Variants in PPP1R8 observed in about 807,000 individuals in gnomAD.
PPP1R8 encodes the protein nuclear inhibitor of protein phosphatase 1.
A neutral mutation model predicts 31.3 loss-of-function variants in PPP1R8; 4 were observed. The ratio of observed to expected loss-of-function variants is 0.13; its 90% CI spans 0.06 to 0.29. PPP1R8 has a LOEUF of 0.29. PPP1R8 is among the 10% of genes least tolerant of loss of function. The pLI, the probability that PPP1R8 is intolerant of heterozygous loss-of-function variation, is 1.00. For missense variants in PPP1R8, 254 were observed against 440.1 expected, an observed-to-expected ratio of 0.58 and a Z score of 3.78; for synonymous variants, 170 against 169.7, an observed-to-expected ratio of 1.00 and a Z score of -0.01.
chr1:27,848,663 T>C (rs1357321003), intron 6 of PPP1R8, among the ~76,000 whole-genome samples: 2 of 152,246 alleles, frequency 1.3e-5, no homozygotes, highest in Non-Finnish European at 2.9e-5. Flanking sequence ...GAGTTCCTGC[T>C]TAGACTTTGT....
chr1:27,832,678 A>C, intron 1 of PPP1R8, 78 bp from the exon 2 acceptor site: 1 of 1,218,284 alleles, frequency 8.2e-7, no homozygotes, highest in Non-Finnish European at 1.2e-6. Flanking sequence ...GAGAGCTGCA[A>C]TGTTGAATGG....
At chr1:27,842,705 A>G (rs1196620794) in intron 4 of PPP1R8, among the ~76,000 whole-genome samples, 1 of 152,224 alleles carries the variant, frequency 6.6e-6, no homozygotes, top group Non-Finnish European at 1.5e-5. Context: ...TAAGTGCACT[A>G]GCAGTGTCCT....
intron 6 of PPP1R8, among the ~76,000 whole-genome samples, chr1:27,848,891 C>A (rs2089311565): frequency 6.6e-6 from 1 of 152,112 alleles, no homozygotes; most frequent in Non-Finnish European, 1.5e-5. Flanking sequence ...ATAATAAAAT[C>A]TACACATTTA....
At position 27,850,539 on chromosome 1, in the gene PPP1R8, G is replaced by A. The variant is rs1180090260; in HGVS notation, c.*93G>A. ...AACTAGGGAGAAAAACTTTCCATGT[G>A]TGCGGTATCGTCTTTCAGAATGTCT... On this transcript the variant is annotated 3_prime_UTR_variant, in exon 7 of 7. Transcript: ENST00000311772. The A allele has an allele frequency of 8.9e-7, 1 of 1,120,426 alleles. No homozygotes were observed. Among genetic ancestry groups the A allele is most frequent in the Non-Finnish European group, 1.3e-6 (1 of 795,502 alleles). 69.4% of individuals were successfully genotyped at this position (1,120,426 alleles called of 1,614,324 possible). A position where few individuals can be genotyped will look rare whatever the true frequency, so the allele number is the denominator to read the frequency against.
chr1:27,831,391 CAG>C (rs1438237745), intron 1 of PPP1R8: 1 of 982,854 alleles, frequency 1.0e-6, no homozygotes, highest in African/African-American at 1.7e-5. Context: ...TCCCTGCCCT[CAG>C]GGAGCTCCCA....
At chr1:27,847,206 C>A in intron 6 of PPP1R8, 114 bp downstream of exon 6, 2 of 1,034,950 alleles carry the variant, frequency 1.9e-6, no homozygotes, top group Non-Finnish European at 3.0e-6. Flanking sequence ...GCAGGCAGAT[C>A]AAGAGGTCAA....
chr1:27,848,042 T>C (rs527462513), intron 6 of PPP1R8, among the ~76,000 whole-genome samples: 3 of 152,338 alleles, frequency 2.0e-5, no homozygotes, highest in African/African-American at 7.2e-5. Flanking sequence ...CAGTTTGCCA[T>C]GCCTTTATTT....
At chr1:27,831,340 T>C in intron 1 of PPP1R8, 2 of 991,182 alleles carry the variant, frequency 2.0e-6, no homozygotes, top group Non-Finnish European at 2.4e-6. Flanking sequence ...GTGCGGCACT[T>C]GTCTGTCTGC....
intron 5 of PPP1R8, among the ~76,000 whole-genome samples, chr1:27,844,705 T>G (rs1217612783): frequency 1.8e-5 from 2 of 110,960 alleles, no homozygotes; most frequent in Non-Finnish European, 3.7e-5. Context: ...ACAAATTTCT[T>G]TTTTTTTTTT....
chr1:27,846,962 G>A, intron 5 of PPP1R8, 66 bp from the exon 6 acceptor site: 1 of 1,309,284 alleles, frequency 7.6e-7, no homozygotes. Context: ...TGTTTGCAGT[G>A]ACTCCTGTGC....
chr1:27,837,929 A>G lies in PPP1R8; in HGVS notation c.118-770A>G, dbSNP rs1299182222. Among the ~76,000 whole-genome samples, 4 of 149,558 alleles carry G rather than the reference A, an allele frequency of 2.7e-5. No homozygotes were observed. The East Asian group carries it at 8.0e-4, about 30-fold the overall frequency. On this transcript the variant is annotated intron_variant, in intron 2 of 6. Coordinates refer to ENST00000311772, the MANE Select transcript of PPP1R8 (RefSeq NM_014110.5). ...GTCTTTACTAAAAAATACAAAAAGT[A>G]GGCCAGGCTCGGTGGCTCACGCCTG... is the stretch of plus-strand genomic sequence containing the variant.
At chr1:27,842,918 G>A (rs1281164854) in intron 4 of PPP1R8, among the ~76,000 whole-genome samples, 1 of 152,164 alleles carries the variant, frequency 6.6e-6, no homozygotes, top group East Asian at 1.9e-4. Context: ...CAGATGACCT[G>A]TTCTCAGCTC....
At position 27,840,638 on chromosome 1, in the gene PPP1R8, T is replaced by C. The variant is rs553959134; in HGVS notation, c.272-376T>C. ...TTCTGCTGGGTTGGAGCCATTCTTATTTGACCCAGAATGGAGCCAAGCCTG... is the reference window on the plus strand; with the variant it reads ...TTCTGCTGGGTTGGAGCCATTCTTACTTGACCCAGAATGGAGCCAAGCCTG... On this transcript the variant is annotated intron_variant, in intron 3 of 6. Transcript: ENST00000311772. 7.2e-5 allele frequency among the ~76,000 whole-genome samples: 11 copies of C among 152,288 alleles called. No individual in the cohort carries two copies. The South Asian group carries it at 1.9e-3, about 26-fold the overall frequency.
chr1:27,831,321 G>C, intron 1 of PPP1R8: 1 of 994,198 alleles, frequency 1.0e-6, no homozygotes, highest in Non-Finnish European at 1.2e-6. Flanking sequence ...TGTGGTTGCT[G>C]CATCCCTCGT....
At position 27,850,456 on chromosome 1, in the gene PPP1R8, T is replaced by C; in HGVS notation, c.*10T>C. On this transcript the variant is annotated 3_prime_UTR_variant, in exon 7 of 7. Coordinates refer to ENST00000311772, the MANE Select transcript of PPP1R8 (RefSeq NM_014110.5). ...TTCCTTGCTGATTTGATATTTTTGGTCATGGAGAAGGGTGGGATTGGGTGG... is the reference window on the plus strand; with the variant it reads ...TTCCTTGCTGATTTGATATTTTTGGCCATGGAGAAGGGTGGGATTGGGTGG... 1.2e-6 allele frequency: 1 copy of C among 842,658 alleles called. No individual in the cohort carries two copies. Among genetic ancestry groups the C allele is most frequent in the Non-Finnish European group, 1.8e-6 (1 of 549,548 alleles). The allele number at this position is 842,658 out of a possible 1,614,324, so 52.2% of individuals were successfully genotyped here.
At chr1:27,831,804 G>C (rs1284254556) in intron 1 of PPP1R8, among the ~76,000 whole-genome samples, 1 of 152,200 alleles carries the variant, frequency 6.6e-6, no homozygotes, top group Admixed American at 6.5e-5. Flanking sequence ...GGGCAGGATT[G>C]TGAGATGACT....
Position 27,841,266 on chromosome 1 carries a change from T to A in PPP1R8, c.492+32T>A, listed in dbSNP as rs368890125. Reference sequence around the variant, plus strand: ...CCCTGTTTATGTCATTGTTTTGTCTTTGGGGACCCTGGTTTTTGGAGTATA... The same window carrying A: ...CCCTGTTTATGTCATTGTTTTGTCTATGGGGACCCTGGTTTTTGGAGTATA... On this transcript the variant is annotated intron_variant, in intron 4 of 6. Transcript: ENST00000311772. 6 of 1,609,430 alleles carry A rather than the reference T, an allele frequency of 3.7e-6. No homozygotes were observed. In the African/African-American group the frequency reaches 4.0e-5, roughly 11 times the overall value.
chr1:27,835,061 C>T (rs570600164), intron 2 of PPP1R8, among the ~76,000 whole-genome samples: 5 of 152,140 alleles, frequency 3.3e-5, no homozygotes, highest in Non-Finnish European at 7.4e-5. Flanking sequence ...AATTGGGGTG[C>T]CTTTAATACT....
intron 5 of PPP1R8, among the ~76,000 whole-genome samples, chr1:27,845,225 C>A (rs1175062447): frequency 6.7e-6 from 1 of 148,660 alleles, no homozygotes; most frequent in Non-Finnish European, 1.5e-5. Context: ...CCCATCTCTA[C>A]TAAAAATATA....
Sources: allele counts gnomAD v4.1 joint callset (sites outside exome capture counted in the v4.1 genomes callset), GRCh38; gene constraint gnomAD v4.1.1; transcripts MANE v1.5; gene names NCBI Gene and HGNC (gene_info 2026-07-23, HGNC 2026-07-21).